The following ARL5A variants were observed in gnomAD, a reference collection of about 807,000 sequenced individuals.
The protein encoded by ARL5A is ADP-ribosylation factor-like protein 5A.
In ARL5A, 18 loss-of-function variants were observed where a neutral mutation model predicts 25.9. That is an observed-to-expected ratio of 0.69 (90% CI 0.48 to 1.03). ARL5A has a LOEUF of 1.03. Among genes scored for constraint, ARL5A ranks in the 50% least tolerant of loss-of-function variants. The pLI is 0.00. For synonymous variants in ARL5A, 61 were observed against 67.5 expected (o/e 0.90, Z 0.47); for missense variants, 170 against 211.9 (o/e 0.80, Z 1.23).
chr2:151,820,361 A>G (rs2099832105), intron 1 of ARL5A, among the ~76,000 whole-genome samples: 1 of 152,076 alleles, frequency 6.6e-6, no homozygotes. Context: ...GATACAGGGT[A>G]GGAATCCACA....
rs1559815770 is a variant in ARL5A at position 151,800,071 on chromosome 2, G to C, written c.*3205C>G. The C allele has an allele frequency of 6.6e-6, 1 of 152,222 alleles. No homozygotes were observed. Among genetic ancestry groups the C allele is most frequent in the Non-Finnish European group, 1.5e-5 (1 of 68,052 alleles). The allele number at this position is 152,222 out of a possible 1,614,324, so 9.4% of individuals were successfully genotyped here. On this transcript the variant is annotated 3_prime_UTR_variant, in exon 6 of 6. Coordinates refer to ENST00000295087, the MANE Select transcript of ARL5A (RefSeq NM_012097.4). Reference sequence around the variant, plus strand: ...ACTGGGCAGTTGAGAGAAGACTGGAGTTTGGAGATAACCGATGATGTGGTA... The same window carrying C: ...ACTGGGCAGTTGAGAGAAGACTGGACTTTGGAGATAACCGATGATGTGGTA...
At chr2:151,820,173 T>A (rs1381616268) in intron 1 of ARL5A, among the ~76,000 whole-genome samples, 1 of 152,172 alleles carries the variant, frequency 6.6e-6, no homozygotes, top group Non-Finnish European at 1.5e-5. Context: ...AAGGAAAAGG[T>A]TAACAGTTTC....
At chr2:151,817,281 A>C (rs951324438) in intron 1 of ARL5A, among the ~76,000 whole-genome samples, 1 of 152,242 alleles carries the variant, frequency 6.6e-6, no homozygotes, top group African/African-American at 2.4e-5. Flanking sequence ...CTAATTATTT[A>C]CATGTGCACT....
At chr2:151,825,188 A>G (rs1386678442) in intron 1 of ARL5A, among the ~76,000 whole-genome samples, 3 of 152,268 alleles carry the variant, frequency 2.0e-5, no homozygotes, top group Non-Finnish European at 4.4e-5. Flanking sequence ...ATTGAGAACA[A>G]GTAAACCACT....
chr2:151,798,800 C>CATAGAAA lies in ARL5A; in HGVS notation c.*4469_*4475dup, dbSNP rs2099829022. Reference sequence around the variant, plus strand: ...TCAGTTAAGACAAGCCATACGATACCATAGAAAATACATATAATTTATTAG... The same window carrying CATAGAAA: ...TCAGTTAAGACAAGCCATACGATACCATAGAAAATAGAAAATACATATAATTTATTAG... On this transcript the variant is annotated 3_prime_UTR_variant, in exon 6 of 6. Transcript: ENST00000295087. 1.3e-5 allele frequency: 2 copies of CATAGAAA among 149,416 alleles called. No homozygotes were observed. Among genetic ancestry groups the CATAGAAA allele is most frequent in the South Asian group, 4.2e-4 (2 of 4,718 alleles). The allele number at this position is 149,416 out of a possible 1,614,324, so 9.3% of individuals were successfully genotyped here. A position where few individuals can be genotyped will look rare whatever the true frequency, so the allele number is the denominator to read the frequency against.
intron 5 of ARL5A, 116 bp downstream of exon 5, chr2:151,806,705 C>A: frequency 3.8e-6 from 4 of 1,050,120 alleles, no homozygotes; most frequent in Non-Finnish European, 5.4e-6. Context: ...CAGCTTACGT[C>A]TGTCCCTTAC....
chr2:151,801,158 A>G lies in ARL5A; in HGVS notation c.*2118T>C, dbSNP rs186973767. On this transcript the variant is annotated 3_prime_UTR_variant, in exon 6 of 6. Transcript: ENST00000295087. ...GGTAGAAAACAAAATCATGTTTTAT[A>G]AATGTGGTATAAAATTACACATCTT... 0.014 allele frequency: 2,111 copies of G among 152,734 alleles called. 29 individuals carry two copies. The highest frequency in any genetic ancestry group is 0.02 in the Non-Finnish European group (1,344 of 67,998). 9.5% of individuals were successfully genotyped at this position (152,734 alleles called of 1,614,324 possible). A position where few individuals can be genotyped will look rare whatever the true frequency, so the allele number is the denominator to read the frequency against.
Position 151,828,258 on chromosome 2 carries a change from G to A in ARL5A, c.-82C>T. On this transcript the variant is annotated 5_prime_UTR_variant, in exon 1 of 6. Transcript: ENST00000295087. Reference sequence around the variant, plus strand: ...TCAGGCTGAGGGGGAGGAGAGAGACGCGCTGGAGCCTCCGCCTCTGCTGCT... The same window carrying A: ...TCAGGCTGAGGGGGAGGAGAGAGACACGCTGGAGCCTCCGCCTCTGCTGCT... The A allele has an allele frequency of 1.6e-6, 2 of 1,278,476 alleles. No individual in the cohort carries two copies. The highest frequency in any genetic ancestry group is 2.2e-6 in the Non-Finnish European group (2 of 902,440). 79.2% of individuals were successfully genotyped at this position (1,278,476 alleles called of 1,614,324 possible).
intron 1 of ARL5A, among the ~76,000 whole-genome samples, chr2:151,816,322 C>A (rs935794150): frequency 6.6e-6 from 1 of 152,304 alleles, no homozygotes. Flanking sequence ...AAGAAGCCAT[C>A]TTGGACGTGC....
In ARL5A at chr2:151,803,306, T is replaced by C; in HGVS notation, c.510A>G (p.Glu170=). The C allele has an allele frequency of 6.2e-7, 1 of 1,612,912 alleles. No individual in the cohort carries two copies. The highest frequency in any genetic ancestry group is 1.7e-5 in the Admixed American group (1 of 60,008). ...LTGEGLCQGL[E]WMMSRLKIR is the part of the protein sequence containing the mutation. ...TAATCTTAAGTCGTGACATCATCCA[T>C]TCAAGTCCTTGGCACAATCTATAAA... is the stretch of plus-strand genomic sequence containing the variant. Residue 170 remains glutamate, a synonymous_variant, in exon 6 of 6, where the codon GAA becomes GAG. Coordinates refer to ENST00000295087, the MANE Select transcript of ARL5A (RefSeq NM_012097.4).
intron 1 of ARL5A, among the ~76,000 whole-genome samples, chr2:151,818,092 C>G (rs2099831765): frequency 6.6e-6 from 1 of 152,126 alleles, no homozygotes; most frequent in Admixed American, 6.5e-5. Flanking sequence ...ATGGAAATGA[C>G]TAAGACATAA....
At chr2:151,820,874 G>T (rs1343919133) in intron 1 of ARL5A, among the ~76,000 whole-genome samples, 1 of 152,034 alleles carries the variant, frequency 6.6e-6, no homozygotes, top group African/African-American at 2.4e-5. Flanking sequence ...TAGGGTAGAA[G>T]GAAAGATGAA....
intron 2 of ARL5A, among the ~76,000 whole-genome samples, chr2:151,814,871 C>T (rs949549979): frequency 2.0e-5 from 3 of 152,044 alleles, no homozygotes; most frequent in African/African-American, 2.4e-5. Flanking sequence ...GCACCGCACC[C>T]GGCCATATTT....
chr2:151,819,467 T>TC (rs999182912), intron 1 of ARL5A, among the ~76,000 whole-genome samples: 8 of 151,976 alleles, frequency 5.3e-5, no homozygotes, highest in Admixed American at 5.2e-4. Context: ...CCATTTTTTT[T>TC]TTGTTAAGTG....
intron 1 of ARL5A, among the ~76,000 whole-genome samples, chr2:151,825,994 G>A (rs1052196608): frequency 6.6e-6 from 1 of 151,998 alleles, no homozygotes; most frequent in Non-Finnish European, 1.5e-5. Context: ...GTGGTGGCAC[G>A]CACCTGTAGT....
At chr2:151,816,211 T>A (rs994944690) in intron 1 of ARL5A, among the ~76,000 whole-genome samples, 1 of 152,166 alleles carries the variant, frequency 6.6e-6, no homozygotes, top group Non-Finnish European at 1.5e-5. Flanking sequence ...ATTTAATGAG[T>A]AAGCCCAAGT....
At chr2:151,822,472 A>G (rs2099832465) in intron 1 of ARL5A, among the ~76,000 whole-genome samples, 1 of 152,236 alleles carries the variant, frequency 6.6e-6, no homozygotes, top group South Asian at 2.1e-4. Flanking sequence ...TAGTAGATCA[A>G]TTTCCTCTGA....
intron 3 of ARL5A, among the ~76,000 whole-genome samples, chr2:151,813,646 C>T (rs1205938072): frequency 2.0e-5 from 3 of 152,096 alleles, no homozygotes; most frequent in African/African-American, 7.2e-5. Flanking sequence ...TTTTAATTCA[C>T]AGGTCTATGC....
intron 5 of ARL5A, among the ~76,000 whole-genome samples, chr2:151,805,445 A>AT (rs2099829964): frequency 6.6e-6 from 1 of 152,160 alleles, no homozygotes; most frequent in South Asian, 2.1e-4. Context: ...CAAACTTAAG[A>AT]CTTCTATTTA....
Sources: gnomAD v4.1 joint callset for allele counts (sites outside exome capture counted in the v4.1 genomes callset) on GRCh38, gnomAD v4.1.1 for gene constraint, MANE v1.5 for transcripts, NCBI Gene and HGNC (gene_info 2026-07-23, HGNC 2026-07-21) for gene names.